The following SLC44A5 variants were observed in gnomAD, a reference collection of about 807,000 sequenced individuals.
SLC44A5 encodes the protein solute carrier family 44 member 5.
In SLC44A5, 57 loss-of-function variants were observed where a neutral mutation model predicts 101.8. That is an observed-to-expected ratio of 0.56 (90% confidence interval 0.45 to 0.70). The LOEUF is 0.70. Ranked by LOEUF, SLC44A5 falls within the 30% of genes least tolerant of loss-of-function variation. The probability of loss-of-function intolerance (pLI) is 0.00; values close to 1 mark genes in which losing one functional copy is unlikely to be tolerated. For synonymous variants in SLC44A5, 281 were observed against 290.9 expected (o/e 0.97, Z 0.35); for missense variants, 737 against 853.1 (o/e 0.86, Z 1.70).
At chr1:75,218,842 A>G (rs1047678597) in intron 16 of SLC44A5, 90 bp from the exon 17 acceptor site, 115 of 1,268,660 alleles carry the variant, frequency 9.1e-5, no homozygotes, top group Non-Finnish European at 1.2e-4. Context: ...CCTTAATTGC[A>G]TATCCTGTTG....
In SLC44A5 at chr1:75,324,820, G is replaced by T. The variant is rs540957516; in HGVS notation, c.101+14762C>A. On this transcript the variant is annotated intron_variant, in intron 4 of 23. Transcript: ENST00000370859. ...AACCCATAATTTTTATCTGCTCCATGGTTTTAAAAATGTTTTTACTGAGAA... is the reference window on the plus strand; with the variant it reads ...AACCCATAATTTTTATCTGCTCCATTGTTTTAAAAATGTTTTTACTGAGAA... Among the ~76,000 whole-genome samples, 325 of 152,100 alleles carry T rather than the reference G, an allele frequency of 2.1e-3. 3 individuals are homozygous for T. The South Asian group carries it at 0.033, about 15-fold the overall frequency.
chr1:75,253,046 C>T (rs1649714101), intron 6 of SLC44A5, among the ~76,000 whole-genome samples: 1 of 152,156 alleles, frequency 6.6e-6, no homozygotes. Context: ...GATGGCTGGT[C>T]AGTTATGTCC....
At chr1:75,696,023 T>C in the SLC44A5 span, among the ~76,000 whole-genome samples, 3 of 152,088 alleles carry the variant, frequency 2.0e-5, no homozygotes, top group African/African-American at 4.8e-5. Flanking sequence ...ATATTCCACA[T>C]TGGTATTTGC....
At chr1:75,518,873 G>A (rs1281759744) in intron 2 of SLC44A5, among the ~76,000 whole-genome samples, 1 of 152,160 alleles carries the variant, frequency 6.6e-6, no homozygotes, top group Non-Finnish European at 1.5e-5. Context: ...GGGAGTGAAT[G>A]CTAACGAGAT....
the SLC44A5 span, chr1:75,641,794 A>G: frequency 6.5e-7 from 1 of 1,546,570 alleles, no homozygotes; most frequent in Non-Finnish European, 8.9e-7. Flanking sequence ...AGTGCAAAGA[A>G]AAAAGACAAT....
chr1:75,306,600 G>C (rs892532745), intron 4 of SLC44A5, among the ~76,000 whole-genome samples: 1 of 151,856 alleles, frequency 6.6e-6, no homozygotes, highest in Non-Finnish European at 1.5e-5. Flanking sequence ...GAGGTAATAA[G>C]AGAGTTTTGT....
intron 5 of SLC44A5, among the ~76,000 whole-genome samples, chr1:75,282,599 C>T (rs1271193359): frequency 2.0e-5 from 3 of 152,100 alleles, no homozygotes; most frequent in African/African-American, 7.2e-5. Flanking sequence ...TGAGTGTAAT[C>T]CCCACGTGTT....
chr1:75,368,542 A>G (rs1176156105), intron 3 of SLC44A5, among the ~76,000 whole-genome samples: 1 of 152,184 alleles, frequency 6.6e-6, no homozygotes, highest in East Asian at 1.9e-4. Flanking sequence ...CATTAACTCA[A>G]TATTTCTAGA....
the SLC44A5 span, among the ~76,000 whole-genome samples, chr1:75,643,922 A>G: frequency 1.3e-5 from 2 of 152,236 alleles, no homozygotes; most frequent in Non-Finnish European, 2.9e-5. Flanking sequence ...TACTTCATAA[A>G]ATATAGAAAA....
chr1:75,478,107 TAAAGA>T (rs1172285048), intron 2 of SLC44A5, among the ~76,000 whole-genome samples: 1 of 152,184 alleles, frequency 6.6e-6, no homozygotes, highest in Non-Finnish European at 1.5e-5. Context: ...TCAACATTCT[TAAAGA>T]AAAGAATTGT....
At chr1:75,344,537 G>A (rs1010071224) in intron 3 of SLC44A5, among the ~76,000 whole-genome samples, 1 of 152,108 alleles carries the variant, frequency 6.6e-6, no homozygotes, top group African/African-American at 2.4e-5. Context: ...TGATCACAAG[G>A]GTACTTCTAT....
At chr1:75,236,898 G>A (rs1648131847) in intron 11 of SLC44A5, 89 bp downstream of exon 11, 2 of 669,432 alleles carry the variant, frequency 3.0e-6, no homozygotes, top group Non-Finnish European at 5.0e-6. Context: ...TTTTATTCAT[G>A]AATAAAAATA....
At chr1:75,427,335 ACAAAT>A (rs1664371184) in intron 2 of SLC44A5, among the ~76,000 whole-genome samples, 1 of 152,220 alleles carries the variant, frequency 6.6e-6, no homozygotes, top group Non-Finnish European at 1.5e-5. Context: ...TTTCTCCTAA[ACAAAT>A]CAGTCTAAAT....
the SLC44A5 span, among the ~76,000 whole-genome samples, chr1:75,688,484 C>T: frequency 6.6e-6 from 1 of 151,960 alleles, no homozygotes; most frequent in African/African-American, 2.4e-5. Context: ...CTTTCGAGGT[C>T]CTTCTTTATT....
the SLC44A5 span, among the ~76,000 whole-genome samples, chr1:75,699,703 A>G: frequency 9.2e-5 from 14 of 152,194 alleles, no homozygotes; most frequent in Non-Finnish European, 2.9e-5. Context: ...ATTAAAAGAC[A>G]CAGACTGGCA....
chr1:75,657,318 G>A, the SLC44A5 span, among the ~76,000 whole-genome samples: 1 of 152,156 alleles, frequency 6.6e-6, no homozygotes, highest in Non-Finnish European at 1.5e-5. Flanking sequence ...GGAGATGAAG[G>A]TTGGTTGATC....
intron 5 of SLC44A5, among the ~76,000 whole-genome samples, chr1:75,278,631 A>G (rs1409571839): frequency 1.3e-5 from 2 of 152,186 alleles, no homozygotes; most frequent in Non-Finnish European, 2.9e-5. Flanking sequence ...ATGCACATCA[A>G]TATGCAAATG....
the SLC44A5 span, among the ~76,000 whole-genome samples, chr1:75,692,616 T>C: frequency 6.6e-6 from 1 of 152,136 alleles, no homozygotes; most frequent in Non-Finnish European, 1.5e-5. Flanking sequence ...AATTGTTTGA[T>C]GTGGTTATGA....
At chr1:75,506,907 CTTTTTTTTTTTTTTT>C (rs61554987) in intron 2 of SLC44A5, among the ~76,000 whole-genome samples, 1 of 68,748 alleles carries the variant, frequency 1.5e-5, no homozygotes, top group Non-Finnish European at 2.6e-5. Flanking sequence ...TATTCCTATT[CTTTTTTTTTTTTTTT>C]TTTTTTTTTT....
Sources: gnomAD v4.1 joint callset for allele counts (sites outside exome capture counted in the v4.1 genomes callset) on GRCh38, gnomAD v4.1.1 for gene constraint, MANE v1.5 for transcripts, NCBI Gene and HGNC (gene_info 2026-07-23, HGNC 2026-07-21) for gene names.